The following COL25A1 variants were observed in gnomAD, a reference collection of about 807,000 sequenced individuals.
COL25A1 encodes collagen type XXV alpha 1 chain.
A neutral mutation model predicts 128.4 loss-of-function variants in COL25A1; 103 were observed. The ratio of observed to expected loss-of-function variants is 0.80; its 90% confidence interval spans 0.68 to 0.94. COL25A1 has a LOEUF of 0.94. COL25A1 is among the 40% of genes least tolerant of loss of function. COL25A1 has a pLI of 0.00. For missense variants in COL25A1, 745 were observed against 840.0 expected (o/e 0.89, Z 1.40); for synonymous variants, 279 against 277.2 (o/e 1.01, Z -0.06).
At chr4:109,101,635 C>T (rs1380372515) in intron 3 of COL25A1, among the ~76,000 whole-genome samples, 3 of 152,144 alleles carry the variant, frequency 2.0e-5, no homozygotes, top group African/African-American at 4.8e-5. Flanking sequence ...TTCCTTTTCT[C>T]CAGAAACAAG....
At chr4:109,301,232 T>G (rs919181078) in intron 2 of COL25A1, among the ~76,000 whole-genome samples, 1 of 152,192 alleles carries the variant, frequency 6.6e-6, no homozygotes, top group Admixed American at 6.5e-5. Flanking sequence ...AAGTTTAAAC[T>G]TTTAATATGA....
intron 5 of COL25A1, among the ~76,000 whole-genome samples, chr4:109,044,338 A>C (rs1760216350): frequency 6.6e-6 from 1 of 152,130 alleles, no homozygotes; most frequent in Admixed American, 6.5e-5. Context: ...TTTCCAAAAC[A>C]TTCTAAGTAA....
At chr4:108,938,995 T>C (rs1000837149) in intron 10 of COL25A1, among the ~76,000 whole-genome samples, 4 of 152,268 alleles carry the variant, frequency 2.6e-5, no homozygotes, top group Non-Finnish European at 2.9e-5. Context: ...ATTTCTTACT[T>C]ACATAAATAA....
At chr4:109,239,366 A>ATG (rs1297332868) in intron 3 of COL25A1, among the ~76,000 whole-genome samples, 1 of 113,082 alleles carries the variant, frequency 8.8e-6, no homozygotes. Flanking sequence ...TCTATTATAT[A>ATG]TGTGTGTGTA....
chr4:108,863,959 C>T (rs994654262), intron 20 of COL25A1, among the ~76,000 whole-genome samples: 4 of 152,110 alleles, frequency 2.6e-5, no homozygotes, highest in Non-Finnish European at 4.4e-5. Context: ...GCCATGCTAC[C>T]GTCAACCCAG....
chr4:108,927,612 T>C (rs1464526052), intron 11 of COL25A1, among the ~76,000 whole-genome samples: 1 of 152,198 alleles, frequency 6.6e-6, no homozygotes, highest in African/African-American at 2.4e-5. Context: ...GAAGATGGCA[T>C]GTCATTATAT....
At chr4:108,896,641 C>T (rs374601665) in intron 16 of COL25A1, 26 bp downstream of exon 16, 23 of 1,608,262 alleles carry the variant, frequency 1.4e-5, no homozygotes, top group Non-Finnish European at 1.8e-5. Flanking sequence ...CACATATGTA[C>T]CCTTTCATGT....
chr4:109,219,876 T>C lies in COL25A1; in HGVS notation c.367+80707A>G, dbSNP rs1578474731. ...TGTTATCCTACTAAACAGAAATCCATGTTAAAATAAAAATAGTTGTACATT... is the reference window on the plus strand; with the variant it reads ...TGTTATCCTACTAAACAGAAATCCACGTTAAAATAAAAATAGTTGTACATT... On this transcript the variant is annotated intron_variant, in intron 3 of 37. Coordinates refer to ENST00000399132, the MANE Select transcript of COL25A1 (RefSeq NM_198721.4). Among the ~76,000 whole-genome samples the C allele has an allele frequency of 2.6e-5, 4 of 152,184 alleles. 1 individual carries two copies. In the South Asian group the frequency reaches 6.2e-4, roughly 24 times the overall value.
chr4:109,075,043 G>T (rs747907171), intron 3 of COL25A1, among the ~76,000 whole-genome samples: 2 of 152,048 alleles, frequency 1.3e-5, no homozygotes, highest in Non-Finnish European at 2.9e-5. Flanking sequence ...ACCAAAATAG[G>T]TTATTAAGTT....
intron 8 of COL25A1, among the ~76,000 whole-genome samples, chr4:108,956,354 ACCAG>A (rs1750072296): frequency 6.6e-6 from 1 of 152,154 alleles, no homozygotes; most frequent in African/African-American, 2.4e-5. Context: ...ATAATACTTA[ACCAG>A]TCACACAGTT....
intron 3 of COL25A1, among the ~76,000 whole-genome samples, chr4:109,181,926 G>C (rs1045369014): frequency 6.6e-6 from 1 of 151,788 alleles, no homozygotes; most frequent in Non-Finnish European, 1.5e-5. Flanking sequence ...TTTCAGATTC[G>C]ACATGTAAGT....
At chr4:109,217,820 C>G (rs115204428) in intron 3 of COL25A1, among the ~76,000 whole-genome samples, 2 of 152,118 alleles carry the variant, frequency 1.3e-5, no homozygotes, top group African/African-American at 2.4e-5. Context: ...TGAGTTTAGT[C>G]AATAACAACA....
intron 3 of COL25A1, among the ~76,000 whole-genome samples, chr4:109,246,366 A>T (rs1023177291): frequency 1.3e-5 from 2 of 152,188 alleles, no homozygotes; most frequent in African/African-American, 2.4e-5. Flanking sequence ...TAAGCTCTAG[A>T]GACTACATCA....
At chr4:109,136,541 T>C (rs1326977257) in intron 3 of COL25A1, among the ~76,000 whole-genome samples, 2 of 152,234 alleles carry the variant, frequency 1.3e-5, no homozygotes, top group African/African-American at 2.4e-5. Flanking sequence ...CTGTAGTCTG[T>C]AGTACACACG....
At chr4:109,071,145 C>T (rs1579275212) in intron 3 of COL25A1, among the ~76,000 whole-genome samples, 1 of 152,196 alleles carries the variant, frequency 6.6e-6, no homozygotes, top group South Asian at 2.1e-4. Flanking sequence ...TAATACCACA[C>T]ATCTACAACC....
chr4:108,983,269 CGAAA>C (rs1366885195), intron 6 of COL25A1, among the ~76,000 whole-genome samples: 4 of 152,062 alleles, frequency 2.6e-5, no homozygotes, highest in Admixed American at 1.3e-4. Context: ...TTCCTTTTGT[CGAAA>C]GAAAGTATCA....
At chr4:109,165,468 C>A (rs779300709) in intron 3 of COL25A1, among the ~76,000 whole-genome samples, 1 of 152,156 alleles carries the variant, frequency 6.6e-6, no homozygotes, top group Non-Finnish European at 1.5e-5. Context: ...GTAATCCCAG[C>A]ACTTTGGGAG....
chr4:108,832,392 G>T lies in COL25A1; in HGVS notation c.1698C>A (p.Pro566=), dbSNP rs368284407. Reference sequence around the variant, plus strand: ...AGCAACAACTTACTCTTTCTCCTTTGGGACCTGCAGGGCCATGGGGTCCCA... The same window carrying T: ...AGCAACAACTTACTCTTTCTCCTTTTGGACCTGCAGGGCCATGGGGTCCCA... ...GPMGPHGPAG[P]KGERGEKGAM... The change falls in exon 32 of 38, where the codon CCC becomes CCA. Residue 566 remains proline (P), a synonymous_variant. Transcript: ENST00000399132. The T allele has an allele frequency of 9.4e-5, 152 of 1,610,564 alleles. No individual in the cohort carries two copies. The African/African-American group carries it at 1.7e-3, about 18-fold the overall frequency.
At chr4:109,115,695 T>C (rs1767478933) in intron 3 of COL25A1, among the ~76,000 whole-genome samples, 1 of 152,028 alleles carries the variant, frequency 6.6e-6, no homozygotes, top group African/African-American at 2.4e-5. Flanking sequence ...AGTGTAACTT[T>C]TCTAATACCC....
Sources: allele counts gnomAD v4.1 joint callset (sites outside exome capture counted in the v4.1 genomes callset), GRCh38; gene constraint gnomAD v4.1.1; transcripts MANE v1.5; gene names NCBI Gene and HGNC (gene_info 2026-07-23, HGNC 2026-07-21).